The following DOK6 variants were observed in gnomAD, a reference collection of about 807,000 sequenced individuals.
The protein encoded by DOK6 is downstream of tyrosine kinase 6.
A neutral mutation model predicts 44.0 loss-of-function variants in DOK6; 22 were observed. The observed-to-expected ratio is 0.50, with a 90% CI of 0.36 to 0.71. The LOEUF (loss-of-function observed/expected upper bound fraction) is 0.71. DOK6 is among the 30% of genes least tolerant of loss of function. The probability of loss-of-function intolerance (pLI) is 0.00; values close to 1 mark genes in which losing one functional copy is unlikely to be tolerated. For synonymous variants in DOK6, 166 were observed against 145.5 expected (o/e 1.14, Z -1.01); for missense variants, 340 against 416.4 (o/e 0.82, Z 1.60).
chr18:69,469,847 C>G (rs184739042), intron 1 of DOK6: 1 of 220,960 alleles, frequency 4.5e-6, no homozygotes, highest in African/African-American at 2.4e-5. Flanking sequence ...GCAGCTGCCC[C>G]TTTAAGGACT....
chr18:69,698,392 G>A lies in DOK6; in HGVS notation c.410-12G>A, dbSNP rs143370149. 78 of 1,596,634 alleles carry A rather than the reference G, an allele frequency of 4.9e-5. No homozygotes were observed. Among genetic ancestry groups the A allele is most frequent in the African/African-American group, 8.1e-5 (6 of 74,442 alleles). On this transcript the variant is annotated splice_polypyrimidine_tract_variant and intron_variant, in intron 4 of 7. Coordinates refer to ENST00000382713, the MANE Select transcript of DOK6 (RefSeq NM_152721.6). The stretch of plus-strand genomic sequence containing the variant: ...TTTCACTTAACCTTCTCCATTCTTC[G>A]TCTCTTCACAGAGAGATTCAACGTG...
chr18:69,804,589 AG>A (rs1980999286), intron 7 of DOK6, among the ~76,000 whole-genome samples: 1 of 152,176 alleles, frequency 6.6e-6, no homozygotes, highest in Non-Finnish European at 1.5e-5. Context: ...CTAGAAAATC[AG>A]TGGCATGTAT....
chr18:69,783,881 C>T (rs925969902), intron 7 of DOK6, among the ~76,000 whole-genome samples: 3 of 151,966 alleles, frequency 2.0e-5, no homozygotes, highest in East Asian at 1.9e-4. Context: ...CTAAATGTTC[C>T]GCAAGTGATA....
At chr18:69,581,369 G>T (rs1015091602) in intron 2 of DOK6, among the ~76,000 whole-genome samples, 1 of 152,160 alleles carries the variant, frequency 6.6e-6, no homozygotes, top group Non-Finnish European at 1.5e-5. Context: ...ACTCAAAAAA[G>T]CTCAAAACAT....
At chr18:69,770,005 C>T (rs1979839870) in intron 7 of DOK6, among the ~76,000 whole-genome samples, 1 of 152,102 alleles carries the variant, frequency 6.6e-6, no homozygotes, top group Admixed American at 6.6e-5. Flanking sequence ...TTTTATTGAG[C>T]AACCTTCTAT....
chr18:69,732,939 A>G lies in DOK6; in HGVS notation c.600-6026A>G, dbSNP rs540957658. On this transcript the variant is annotated intron_variant, in intron 5 of 7. Coordinates refer to ENST00000382713, the MANE Select transcript of DOK6 (RefSeq NM_152721.6). ...TGAAAACAGGTTTACTTGACCCACA[A>G]TTTTTAACAGGCTTAACAGGAAACA... Among the ~76,000 whole-genome samples, 6 of 152,288 alleles carry G rather than the reference A, an allele frequency of 3.9e-5. No homozygotes were observed. The South Asian group carries it at 8.3e-4, about 21-fold the overall frequency.
At chr18:69,438,145 A>G (rs1173245238) in intron 1 of DOK6, among the ~76,000 whole-genome samples, 9 of 152,160 alleles carry the variant, frequency 5.9e-5, no homozygotes, top group Non-Finnish European at 1.0e-4. Flanking sequence ...TTTGCCACAT[A>G]TATTAAGCCT....
intron 4 of DOK6, among the ~76,000 whole-genome samples, chr18:69,685,139 AAC>A (rs1434642603): frequency 6.6e-6 from 1 of 152,230 alleles, no homozygotes; most frequent in East Asian, 1.9e-4. Flanking sequence ...AACGCAATTT[AAC>A]ACAAAAAGAA....
Position 69,632,939 on chromosome 18 carries a change from C to A in DOK6, c.289+33441C>A, listed in dbSNP as rs1015749397. Among the ~76,000 whole-genome samples the A allele has an allele frequency of 8.5e-5, 13 of 152,312 alleles. No homozygotes were observed. The South Asian group carries it at 1.4e-3, about 17-fold the overall frequency. ...AGAAACCACTGTGATCAGACACCAT[C>A]CTCTGTGGCCTCCCCTGAGTCCTCA... On this transcript the variant is annotated intron_variant, in intron 3 of 7. Transcript: ENST00000382713.
intron 5 of DOK6, among the ~76,000 whole-genome samples, chr18:69,708,160 G>GT (rs2144712436): frequency 6.6e-6 from 1 of 152,156 alleles, no homozygotes; most frequent in Non-Finnish European, 1.5e-5. Flanking sequence ...GCAAGGAGTT[G>GT]TTTTTTAATG....
intron 1 of DOK6, among the ~76,000 whole-genome samples, chr18:69,491,582 G>T (rs1980735199): frequency 6.6e-6 from 1 of 152,168 alleles, no homozygotes; most frequent in African/African-American, 2.4e-5. Flanking sequence ...TCCTATGTAT[G>T]ATATGAGTCT....
At chr18:69,706,122 C>G (rs2144710614) in intron 5 of DOK6, among the ~76,000 whole-genome samples, 1 of 152,238 alleles carries the variant, frequency 6.6e-6, no homozygotes, top group Middle Eastern at 3.4e-3. Flanking sequence ...TTTGTGTTGG[C>G]TAATTGGCTT....
At chr18:69,704,093 G>T (rs1045447412) in intron 5 of DOK6, among the ~76,000 whole-genome samples, 1 of 152,096 alleles carries the variant, frequency 6.6e-6, no homozygotes, top group African/African-American at 2.4e-5. Context: ...ATTAATTTCC[G>T]TTGTTTAAGT....
At chr18:69,669,948 A>G (rs923333879) in intron 3 of DOK6, among the ~76,000 whole-genome samples, 1 of 152,218 alleles carries the variant, frequency 6.6e-6, no homozygotes, top group Non-Finnish European at 1.5e-5. Flanking sequence ...TATTACTGAC[A>G]TAACAAATTG....
At chr18:69,542,974 G>A (rs1018328779) in intron 1 of DOK6, among the ~76,000 whole-genome samples, 2 of 151,398 alleles carry the variant, frequency 1.3e-5, no homozygotes, top group Non-Finnish European at 3.0e-5. Flanking sequence ...TCTAATGAAA[G>A]GATAGAAAGA....
intron 7 of DOK6, among the ~76,000 whole-genome samples, chr18:69,817,056 T>A (rs1236289402): frequency 6.6e-6 from 1 of 152,212 alleles, no homozygotes; most frequent in Non-Finnish European, 1.5e-5. Context: ...CCAAAGGATG[T>A]GCATATTAAA....
At chr18:69,433,612 C>T (rs2122428043) in intron 1 of DOK6, among the ~76,000 whole-genome samples, 1 of 152,068 alleles carries the variant, frequency 6.6e-6, no homozygotes, top group East Asian at 1.9e-4. Flanking sequence ...GACAGTGAGA[C>T]TCAGTGTGCA....
At chr18:69,733,189 A>T (rs1978474773) in intron 5 of DOK6, among the ~76,000 whole-genome samples, 1 of 133,116 alleles carries the variant, frequency 7.5e-6, no homozygotes, top group Non-Finnish European at 1.6e-5. Context: ...CCTTGTCTCT[A>T]TGAAAAAAAA....
At position 69,564,600 on chromosome 18, in the gene DOK6, T is replaced by C. The variant is rs781246408; in HGVS notation, c.174+6T>C. The C allele has an allele frequency of 6.2e-7, 1 of 1,609,994 alleles. No homozygotes were observed. The highest frequency in any genetic ancestry group is 1.3e-5 in the African/African-American group (1 of 74,926). On this transcript the variant is annotated splice_donor_region_variant and intron_variant, in intron 2 of 7. Coordinates refer to ENST00000382713, the MANE Select transcript of DOK6 (RefSeq NM_152721.6). The stretch of plus-strand genomic sequence containing the variant: ...ATTTCAGAAACTTTCATAAGGTAAG[T>C]CACAGTCCTGGGAGTCCCTGGGGAA...
Sources: gnomAD v4.1 joint callset for allele counts (sites outside exome capture counted in the v4.1 genomes callset) on GRCh38, gnomAD v4.1.1 for gene constraint, MANE v1.5 for transcripts, NCBI Gene and HGNC (gene_info 2026-07-23, HGNC 2026-07-21) for gene names.